CSMD1: variants seen among roughly 807,000 people sequenced by gnomAD.
The protein encoded by CSMD1 is CUB and sushi domain-containing protein 1.
CSMD1 carries 213 observed loss-of-function variants against 417.5 expected under a neutral mutation model. That is an observed-to-expected ratio of 0.51 (90% CI 0.46 to 0.57). The LOEUF (loss-of-function observed/expected upper bound fraction) is 0.57. Ranked by LOEUF, CSMD1 falls within the 20% of genes least tolerant of loss-of-function variation. The pLI, the probability that CSMD1 is intolerant of heterozygous loss-of-function variation, is 0.00. For missense variants in CSMD1, 6,923 were observed against 4,529.7 expected (o/e 1.53, Z -15.17); for synonymous variants, 2,862 against 1,736.8 (o/e 1.65, Z -16.11).
chr8:3,778,838 T>C (rs1424758277), intron 5 of CSMD1, among the ~76,000 whole-genome samples: 1 of 152,210 alleles, frequency 6.6e-6, no homozygotes, highest in Non-Finnish European at 1.5e-5. Context: ...TTATTATTCC[T>C]CATTGAATAC....
chr8:3,432,534 G>A (rs1003166305), intron 12 of CSMD1, among the ~76,000 whole-genome samples: 4 of 105,022 alleles, frequency 3.8e-5, no homozygotes, highest in African/African-American at 1.1e-4. Context: ...TTTTTGAGAT[G>A]GAGTCTCACT....
chr8:3,651,458 T>C (rs1797854636), intron 7 of CSMD1, among the ~76,000 whole-genome samples: 1 of 152,070 alleles, frequency 6.6e-6, no homozygotes. Context: ...TCTGTGCACG[T>C]TCTGACTTCC....
intron 1 of CSMD1, among the ~76,000 whole-genome samples, chr8:4,837,167 T>C (rs976674146): frequency 3.3e-5 from 5 of 152,084 alleles, no homozygotes; most frequent in African/African-American, 9.7e-5. Context: ...CACTAACACA[T>C]GCGGGTGAGG....
chr8:3,924,824 A>G (rs1563216717), intron 5 of CSMD1, among the ~76,000 whole-genome samples: 1 of 152,184 alleles, frequency 6.6e-6, no homozygotes, highest in African/African-American at 2.4e-5. Context: ...AGTTAAGATG[A>G]TAATTTTAAT....
intron 5 of CSMD1, among the ~76,000 whole-genome samples, chr8:3,765,165 T>G (rs1298388710): frequency 6.6e-6 from 1 of 152,208 alleles, no homozygotes; most frequent in Non-Finnish European, 1.5e-5. Context: ...GCCTCATTTC[T>G]TATCACGCCC....
chr8:4,230,052 C>T (rs927956164), intron 3 of CSMD1, among the ~76,000 whole-genome samples: 6 of 152,142 alleles, frequency 3.9e-5, no homozygotes, highest in African/African-American at 1.4e-4. Flanking sequence ...ATCTTACGTG[C>T]GTGCGTGCAC....
intron 7 of CSMD1, among the ~76,000 whole-genome samples, chr8:3,626,844 C>T (rs1375509069): frequency 6.7e-6 from 1 of 148,796 alleles, no homozygotes; most frequent in Non-Finnish European, 1.5e-5. Flanking sequence ...TAAATATATA[C>T]AATAAATAAG....
At chr8:3,816,157 T>G (rs1801354351) in intron 5 of CSMD1, among the ~76,000 whole-genome samples, 1 of 152,152 alleles carries the variant, frequency 6.6e-6, no homozygotes, top group South Asian at 2.1e-4. Context: ...AAAACAAGAT[T>G]GGATAAAAAC....
chr8:4,006,428 C>T (rs1035182022), intron 4 of CSMD1, among the ~76,000 whole-genome samples: 3 of 152,126 alleles, frequency 2.0e-5, no homozygotes, highest in East Asian at 1.9e-4. Flanking sequence ...CCTGTAATTC[C>T]AGCTTCTTGG....
intron 3 of CSMD1, among the ~76,000 whole-genome samples, chr8:4,165,178 A>G (rs1563210393): frequency 6.6e-6 from 1 of 152,126 alleles, no homozygotes; most frequent in African/African-American, 2.4e-5. Flanking sequence ...ACCTACGCCT[A>G]GCCAGTAACT....
chr8:3,820,901 C>A (rs1345967302), intron 5 of CSMD1, among the ~76,000 whole-genome samples: 2 of 151,850 alleles, frequency 1.3e-5, no homozygotes, highest in Admixed American at 1.3e-4. Context: ...TAAGGACCTG[C>A]CTGAGGGTGT....
chr8:3,664,851 G>C (rs1434206698), intron 7 of CSMD1, among the ~76,000 whole-genome samples: 3 of 152,260 alleles, frequency 2.0e-5, no homozygotes, highest in South Asian at 2.1e-4. Flanking sequence ...AGTAAAGCCA[G>C]ACATCATAAA....
chr8:4,419,770 G>A (rs1322397156), intron 3 of CSMD1, among the ~76,000 whole-genome samples, 183 bp downstream of exon 3: 1 of 152,144 alleles, frequency 6.6e-6, no homozygotes, highest in South Asian at 2.1e-4. Flanking sequence ...ACACGTTTTG[G>A]GCTGGAAAGT....
intron 3 of CSMD1, among the ~76,000 whole-genome samples, chr8:4,316,316 A>C (rs1489645037): frequency 6.6e-6 from 1 of 152,282 alleles, no homozygotes; most frequent in Admixed American, 6.5e-5. Flanking sequence ...CAGAGAAAAT[A>C]ATCTGCATAT....
At chr8:2,998,381 T>A (rs1259620281) in intron 53 of CSMD1, among the ~76,000 whole-genome samples, 197 bp from the exon 54 acceptor site, 2 of 152,232 alleles carry the variant, frequency 1.3e-5, no homozygotes, top group Non-Finnish European at 2.9e-5. Context: ...CTACAGGCTT[T>A]TAATATAATT....
At chr8:4,752,750 G>C (rs778850292) in intron 1 of CSMD1, among the ~76,000 whole-genome samples, 7 of 152,128 alleles carry the variant, frequency 4.6e-5, no homozygotes, top group Admixed American at 6.5e-5. Flanking sequence ...GATTTGCTCC[G>C]TGGAAGGACA....
chr8:4,203,260 A>C (rs942358010), intron 3 of CSMD1, among the ~76,000 whole-genome samples: 3 of 152,288 alleles, frequency 2.0e-5, no homozygotes, highest in Admixed American at 1.3e-4. Context: ...CAGCCTGCAG[A>C]AGACTGCCCT....
chr8:4,673,895 G>A (rs1260680215), intron 1 of CSMD1, among the ~76,000 whole-genome samples: 1 of 152,124 alleles, frequency 6.6e-6, no homozygotes, highest in Admixed American at 6.6e-5. Context: ...AATGATTGCT[G>A]AAAGATACAG....
chr8:3,970,352 C>T (rs1812996266), intron 5 of CSMD1, among the ~76,000 whole-genome samples: 2 of 152,122 alleles, frequency 1.3e-5, no homozygotes, highest in South Asian at 4.1e-4. Flanking sequence ...AAGATCGCAG[C>T]AGCTCATTTT....
Sources: allele counts gnomAD v4.1 joint callset (sites outside exome capture counted in the v4.1 genomes callset), GRCh38; gene constraint gnomAD v4.1.1; transcripts MANE v1.5; gene names NCBI Gene and HGNC (gene_info 2026-07-23, HGNC 2026-07-21).